Variants in FIP1L1 observed in about 807,000 individuals in gnomAD.
FIP1L1 encodes factor interacting with PAPOLA and CPSF1.
Under a neutral mutation model 84.6 loss-of-function variants are expected in FIP1L1, and 21 were observed. The observed-to-expected ratio is 0.25, with a 90% CI of 0.18 to 0.36. The LOEUF is 0.36. Ranked by LOEUF, FIP1L1 falls within the 10% of genes least tolerant of loss-of-function variation. The pLI is 1.00. For synonymous variants in FIP1L1, 263 were observed against 242.3 expected (o/e 1.09, Z -0.80); for missense variants, 526 against 751.1 (o/e 0.70, Z 3.50).
At chr4:53,443,417 A>T (rs1772855973) in intron 14 of FIP1L1, among the ~76,000 whole-genome samples, 1 of 152,154 alleles carries the variant, frequency 6.6e-6, no homozygotes, top group South Asian at 2.1e-4. Context: ...AATCACTAAT[A>T]AGAGTTATTG....
intron 13 of FIP1L1, among the ~76,000 whole-genome samples, chr4:53,436,298 AG>A (rs1036566803): frequency 3.3e-5 from 5 of 152,312 alleles, no homozygotes; most frequent in African/African-American, 1.2e-4. Flanking sequence ...CAGACCTCAC[AG>A]TCTTCTCCAA....
At chr4:53,397,105 C>T (rs1747806484) in intron 9 of FIP1L1, among the ~76,000 whole-genome samples, 1 of 152,146 alleles carries the variant, frequency 6.6e-6, no homozygotes, top group African/African-American at 2.4e-5. Context: ...TTTGTTGAAG[C>T]AAGTGATTGT....
At chr4:53,384,008 A>C in intron 5 of FIP1L1, 132 bp downstream of exon 5, 1 of 878,964 alleles carries the variant, frequency 1.1e-6, no homozygotes, top group Non-Finnish European at 1.7e-6. Flanking sequence ...AACTTGTTAA[A>C]GTTTCATCAT....
At chr4:53,415,915 A>G (rs1759295216) in intron 11 of FIP1L1, among the ~76,000 whole-genome samples, 1 of 152,208 alleles carries the variant, frequency 6.6e-6, no homozygotes, top group Non-Finnish European at 1.5e-5. Context: ...GTGTTGCTTT[A>G]GAAGGTTAAG....
intron 10 of FIP1L1, among the ~76,000 whole-genome samples, chr4:53,413,982 A>G (rs1436209308): frequency 6.6e-6 from 1 of 152,176 alleles, no homozygotes; most frequent in Non-Finnish European, 1.5e-5. Flanking sequence ...ATAAACATGT[A>G]TATATATCCT....
chr4:53,382,342 TA>T lies in FIP1L1; in HGVS notation c.228+9del. On this transcript the variant is annotated splice_region_variant and intron_variant, in intron 4 of 17. Coordinates refer to ENST00000337488, the MANE Select transcript of FIP1L1 (RefSeq NM_030917.4). ...AAATGGTGTACCAAAACCGGTAACA[TA>T]AGGCTTTGAAATCCAGTTACTGATA... 6.2e-7 allele frequency: 1 copy of T among 1,609,970 alleles called. No individual in the cohort carries two copies.
At chr4:53,409,660 G>C (rs1260269912) in intron 10 of FIP1L1, among the ~76,000 whole-genome samples, 1 of 152,210 alleles carries the variant, frequency 6.6e-6, no homozygotes, top group Non-Finnish European at 1.5e-5. Flanking sequence ...GAGTTTCCTG[G>C]CTGCTTTGTT....
intron 11 of FIP1L1, among the ~76,000 whole-genome samples, chr4:53,422,676 C>T (rs995221374): frequency 1.7e-4 from 25 of 151,442 alleles, no homozygotes; most frequent in African/African-American, 5.6e-4. Context: ...TTTGCTTTGG[C>T]TTCCAAGAAA....
intron 10 of FIP1L1, among the ~76,000 whole-genome samples, chr4:53,404,161 TC>T (rs1252384152): frequency 2.9e-4 from 18 of 62,280 alleles, no homozygotes; most frequent in African/African-American, 1.1e-3. Flanking sequence ...CCCTCCCCCC[TC>T]CCCCCACCCC....
chr4:53,412,743 T>G (rs373951529), intron 10 of FIP1L1, among the ~76,000 whole-genome samples: 1 of 152,246 alleles, frequency 6.6e-6, no homozygotes, highest in African/African-American at 2.4e-5. Context: ...GTTTCTGCAC[T>G]GCAAAGTTGC....
At chr4:53,421,452 C>T (rs1762386871) in intron 11 of FIP1L1, among the ~76,000 whole-genome samples, 1 of 152,152 alleles carries the variant, frequency 6.6e-6, no homozygotes, top group Non-Finnish European at 1.5e-5. Context: ...TCTATCTTCC[C>T]ATCCTACATG....
At chr4:53,385,009 TAA>T (rs1456154476) in intron 5 of FIP1L1, among the ~76,000 whole-genome samples, 1 of 152,164 alleles carries the variant, frequency 6.6e-6, no homozygotes, top group Non-Finnish European at 1.5e-5. Context: ...TTTTGTATTA[TAA>T]TAATGACTAC....
intron 11 of FIP1L1, among the ~76,000 whole-genome samples, chr4:53,421,011 A>G (rs1034259136): frequency 6.6e-6 from 1 of 152,216 alleles, no homozygotes; most frequent in South Asian, 2.1e-4. Flanking sequence ...TCAAAAAAGT[A>G]TTGATGCTGG....
intron 10 of FIP1L1, among the ~76,000 whole-genome samples, chr4:53,406,995 G>T (rs190778872): frequency 6.6e-6 from 1 of 152,140 alleles, no homozygotes; most frequent in Admixed American, 6.5e-5. Context: ...AGGGTTTTTT[G>T]TGTCTCTATT....
At chr4:53,436,640 T>A (rs528898127) in intron 13 of FIP1L1, among the ~76,000 whole-genome samples, 13 of 152,320 alleles carry the variant, frequency 8.5e-5, no homozygotes, top group Non-Finnish European at 1.6e-4. Context: ...TGTCAGAAGC[T>A]ATTTTGCCTT....
intron 3 of FIP1L1, among the ~76,000 whole-genome samples, chr4:53,381,773 T>C (rs1738167271): frequency 8.1e-6 from 1 of 122,702 alleles, no homozygotes; most frequent in South Asian, 2.6e-4. Context: ...TTTTTTTTTT[T>C]TTTTGAGACA....
intron 10 of FIP1L1, among the ~76,000 whole-genome samples, chr4:53,409,435 G>A (rs1294723589): frequency 3.9e-5 from 6 of 152,186 alleles, no homozygotes; most frequent in Non-Finnish European, 7.3e-5. Flanking sequence ...TAGACTGCTC[G>A]GGGGTCAAGG....
In FIP1L1 at chr4:53,381,052, T is replaced by C. The variant is rs186528680; in HGVS notation, c.171-1226T>C. On this transcript the variant is annotated intron_variant, in intron 3 of 17. Coordinates refer to ENST00000337488, the MANE Select transcript of FIP1L1 (RefSeq NM_030917.4). Reference sequence around the variant, plus strand: ...GTGTCACTGTCAACATAGCTTTATATTCCTTTCTGCAACTTCATTTGGGGA... The same window carrying C: ...GTGTCACTGTCAACATAGCTTTATACTCCTTTCTGCAACTTCATTTGGGGA... Among the ~76,000 whole-genome samples, 61 of 152,348 alleles carry C rather than the reference T, an allele frequency of 4.0e-4. 1 individual carries two copies. The highest frequency in any genetic ancestry group is 3.8e-3 in the Admixed American group (58 of 15,300).
intron 9 of FIP1L1, among the ~76,000 whole-genome samples, chr4:53,396,203 GC>G (rs1408001222): frequency 1.3e-5 from 2 of 152,160 alleles, no homozygotes; most frequent in Non-Finnish European, 2.9e-5. Context: ...ACAGGCGTGA[GC>G]CACTGCACCT....
Sources: gnomAD v4.1 joint callset for allele counts (sites outside exome capture counted in the v4.1 genomes callset) on GRCh38, gnomAD v4.1.1 for gene constraint, MANE v1.5 for transcripts, NCBI Gene and HGNC (gene_info 2026-07-23, HGNC 2026-07-21) for gene names.